DIPK1A: variants seen among roughly 807,000 people sequenced by gnomAD.
The protein encoded by DIPK1A is family with sequence similarity 69 member A.
Under a neutral mutation model 40.8 loss-of-function variants are expected in DIPK1A, and 27 were observed. That is an observed-to-expected ratio of 0.66 (90% confidence interval 0.49 to 0.91). The LOEUF (loss-of-function observed/expected upper bound fraction) is 0.91, where lower values mean the gene tolerates loss of function less well. Among genes scored for constraint, DIPK1A ranks in the 40% least tolerant of loss-of-function variants. DIPK1A has a pLI of 0.00. For missense variants in DIPK1A, 412 were observed against 505.7 expected (o/e 0.81, Z 1.78); for synonymous variants, 166 against 171.3 (o/e 0.97, Z 0.24).
intron 1 of DIPK1A, among the ~76,000 whole-genome samples, chr1:92,915,070 A>G (rs1289735395): frequency 7.2e-6 from 1 of 138,320 alleles, no homozygotes; most frequent in Non-Finnish European, 1.5e-5. Flanking sequence ...CCTGGGTGAC[A>G]GAGCAAGACT....
At chr1:92,885,444 C>T (rs1648554355) in intron 1 of DIPK1A, among the ~76,000 whole-genome samples, 1 of 152,160 alleles carries the variant, frequency 6.6e-6, no homozygotes, top group South Asian at 2.1e-4. Context: ...CAACCTCCGC[C>T]TCCTAGGTTC....
chr1:92,945,131 G>A (rs1347637003), intron 1 of DIPK1A, among the ~76,000 whole-genome samples: 2 of 151,948 alleles, frequency 1.3e-5, no homozygotes, highest in African/African-American at 4.8e-5. Flanking sequence ...CGGTCACCAT[G>A]GGAACGCAAG....
At chr1:92,868,085 T>G (rs1399291327) in intron 2 of DIPK1A, among the ~76,000 whole-genome samples, 2 of 152,188 alleles carry the variant, frequency 1.3e-5, no homozygotes, top group Non-Finnish European at 2.9e-5. Flanking sequence ...CTACTTTATC[T>G]TCATAAAATC....
At chr1:92,836,461 T>C in intron 4 of DIPK1A, 1 of 1,408,020 alleles carries the variant, frequency 7.1e-7, no homozygotes, top group South Asian at 1.2e-5. Context: ...AGTTGGACTG[T>C]GGAGATAACC....
At position 92,847,248 on chromosome 1, in the gene DIPK1A, A is replaced by G. The variant is rs1230630675; in HGVS notation, c.409T>C (p.Phe137Leu). Residue 137 changes from phenylalanine to leucine, a missense_variant, in exon 4 of 5, where the codon TTT becomes CTT. Phe to Leu is a conservative substitution (Grantham distance 22). Transcript: ENST00000370310. ...GTAGTTCCTCTAGTTGGCTTATCAA[A>G]TAGCACTATTTCTTTTCTTGGTTCC... ...ELEPRKEIVL[F>L]DKPTRGTTVQ... 1 of 1,611,470 alleles carries G rather than the reference A, an allele frequency of 6.2e-7. No homozygotes were observed. Among genetic ancestry groups the G allele is most frequent in the East Asian group, 2.2e-5 (1 of 44,810 alleles).
intron 1 of DIPK1A, chr1:92,932,390 G>T (rs1005742868): frequency 6.6e-6 from 1 of 152,324 alleles, no homozygotes; most frequent in African/African-American, 2.4e-5. Flanking sequence ...GCAGTGAGCT[G>T]AGATCACGCC....
chr1:92,841,093 G>C (rs938817560), downstream of DIPK1A, among the ~76,000 whole-genome samples: 13 of 152,246 alleles, frequency 8.5e-5, no homozygotes, highest in East Asian at 2.5e-3. Flanking sequence ...TGAAATGTAC[G>C]ATATTCTATA....
In DIPK1A at chr1:92,847,196, T is replaced by C; in HGVS notation, c.461A>G (p.Tyr154Cys). ...GGGTATGCTTACCTTAAAGAGACTA[T>C]AGACCATTTCTTTAAATTTTTGTAC... The part of the protein sequence containing the change: ...TTVQKFKEMV[Y>C]SLFKAKLGDQ... The change falls in exon 4 of 5, where the codon TAT becomes TGT. Residue 154 changes from tyrosine to cysteine, a missense_variant. By Grantham distance (194) the Tyr-to-Cys change is radical. Transcript: ENST00000370310. The C allele has an allele frequency of 6.4e-7, 1 of 1,563,504 alleles. No individual in the cohort carries two copies. The highest frequency in any genetic ancestry group is 2.3e-5 in the East Asian group (1 of 43,098).
chr1:92,833,005 A>T, exon 5 of DIPK1A: 1 of 739,932 alleles, frequency 1.4e-6, no homozygotes, highest in Non-Finnish European at 2.5e-6. Flanking sequence ...AGTGCTTCGC[A>T]AAAGTTTGGC....
chr1:92,942,172 A>G (rs1233626905), intron 1 of DIPK1A, among the ~76,000 whole-genome samples: 1 of 152,224 alleles, frequency 6.6e-6, no homozygotes, highest in Non-Finnish European at 1.5e-5. Flanking sequence ...AGAATCAGAC[A>G]GAAGCAAATT....
At chr1:92,914,408 C>T (rs1571119373) in intron 1 of DIPK1A, among the ~76,000 whole-genome samples, 1 of 152,024 alleles carries the variant, frequency 6.6e-6, no homozygotes, top group Middle Eastern at 3.4e-3. Context: ...ATCAGGGAGG[C>T]AACAAGGGAG....
At chr1:92,919,541 T>C (rs1242944018) in intron 1 of DIPK1A, among the ~76,000 whole-genome samples, 1 of 152,208 alleles carries the variant, frequency 6.6e-6, no homozygotes, top group Admixed American at 6.5e-5. Context: ...TTCTCCAGGA[T>C]ACCCCGTACA....
At chr1:92,836,537 A>T in intron 4 of DIPK1A, 1 of 732,086 alleles carries the variant, frequency 1.4e-6, no homozygotes, top group Non-Finnish European at 2.4e-6. Context: ...GGAACCTAGT[A>T]GGGCAGGAAG....
downstream of DIPK1A, chr1:92,837,629 A>C: frequency 6.2e-7 from 1 of 1,611,496 alleles, no homozygotes; most frequent in Non-Finnish European, 8.5e-7. Flanking sequence ...GTAACTCCAG[A>C]CATGGTAAAA....
chr1:92,961,435 TCA>T lies in DIPK1A; in HGVS notation c.-8_-7del, dbSNP rs768182072. On this transcript the variant is annotated 5_prime_UTR_variant, in exon 1 of 5. An upstream open reading frame in the 5' UTR gains an earlier in-frame stop. Transcript: ENST00000370310. The stretch of plus-strand genomic sequence containing the variant: ...GGACAGAGACTCCTCGCCATGGTAA[TCA>T]CACATCGCCCCGCCGCGCTGCAGTC... 6.7e-7 allele frequency: 1 copy of T among 1,503,402 alleles called. No individual in the cohort carries two copies. Among genetic ancestry groups the T allele is most frequent in the South Asian group, 1.2e-5 (1 of 82,890 alleles). The allele number at this position is 1,503,402 out of a possible 1,614,324, so 93.1% of individuals were successfully genotyped here. A position where few individuals can be genotyped will look rare whatever the true frequency, so the allele number is the denominator to read the frequency against.
intron 2 of DIPK1A, among the ~76,000 whole-genome samples, chr1:92,866,124 CAG>C (rs1553126287): frequency 6.6e-6 from 1 of 152,178 alleles, no homozygotes; most frequent in Non-Finnish European, 1.5e-5. Flanking sequence ...TTTTTTGAGA[CAG>C]AGTCTCTCAC....
Position 92,860,144 on chromosome 1 carries a change from A to G in DIPK1A, c.190-9189T>C, listed in dbSNP as rs576094156. The stretch of plus-strand genomic sequence containing the variant: ...CATACCTTTTAATGAAGAGGTTTTA[A>G]GAACTAGTTGAGGCTATAATCTTTA... On this transcript the variant is annotated intron_variant, in intron 2 of 4. Coordinates refer to ENST00000370310, the MANE Select transcript of DIPK1A (RefSeq NM_001006605.5). Among the ~76,000 whole-genome samples, 4 of 152,318 alleles carry G rather than the reference A, an allele frequency of 2.6e-5. No individual in the cohort carries two copies. In the South Asian group the frequency reaches 8.3e-4, roughly 32 times the overall value.
At chr1:92,874,552 G>A (rs968941480) in intron 2 of DIPK1A, among the ~76,000 whole-genome samples, 1 of 152,132 alleles carries the variant, frequency 6.6e-6, no homozygotes, top group African/African-American at 2.4e-5. Context: ...ATCTATTAAT[G>A]TGCTCCAAGG....
At chr1:92,876,946 C>T (rs1648157473) in intron 1 of DIPK1A, 5 of 978,374 alleles carry the variant, frequency 5.1e-6, no homozygotes, top group African/African-American at 1.8e-5. Flanking sequence ...ATTTCTATTT[C>T]CCTATTGTAT....
Sources: gnomAD v4.1 joint callset for allele counts (sites outside exome capture counted in the v4.1 genomes callset) on GRCh38, gnomAD v4.1.1 for gene constraint, MANE v1.5 for transcripts, NCBI Gene and HGNC (gene_info 2026-07-23, HGNC 2026-07-21) for gene names.